The following HIVEP3 variants were observed in gnomAD, a reference collection of about 807,000 sequenced individuals.
HIVEP3 encodes transcription factor HIVEP3.
A neutral mutation model predicts 152.8 loss-of-function variants in HIVEP3; 49 were observed. That is an observed-to-expected ratio of 0.32 (90% CI 0.26 to 0.41). HIVEP3 has a LOEUF of 0.41. Ranked by LOEUF, HIVEP3 falls within the 10% of genes least tolerant of loss-of-function variation. The pLI is 1.00. For synonymous variants in HIVEP3, 1,269 were observed against 1,289.0 expected (o/e 0.98, Z 0.33); for missense variants, 2,790 against 3,103.3 (o/e 0.90, Z 2.40).
At chr1:41,518,554 A>G in intron 6 of HIVEP3, 66 bp from the exon 7 acceptor site, 1 of 1,436,770 alleles carries the variant, frequency 7.0e-7, no homozygotes, top group Non-Finnish European at 9.8e-7. Flanking sequence ...CCCAGGGCTC[A>G]TGGAGGTAGC....
At chr1:41,716,789 C>T (rs1646600472) in intron 1 of HIVEP3, among the ~76,000 whole-genome samples, 1 of 152,112 alleles carries the variant, frequency 6.6e-6, no homozygotes, top group Admixed American at 6.5e-5. Context: ...GTGGGGAGCT[C>T]AGAGGGGCTG....
chr1:41,538,565 TCA>T (rs1202637092), intron 5 of HIVEP3, among the ~76,000 whole-genome samples: 1 of 152,166 alleles, frequency 6.6e-6, no homozygotes, highest in African/African-American at 2.4e-5. Flanking sequence ...TGGCAGCAGC[TCA>T]GGGGTCTAAT....
In HIVEP3 at chr1:41,581,560, A is replaced by C. The variant is rs749075711; in HGVS notation, c.3238T>G (p.Ser1080Ala). The change falls in exon 4 of 9, where the codon TCT becomes GCT. Residue 1080 changes from serine to alanine, a missense_variant. By Grantham distance (99) the Ser-to-Ala change is moderately conservative (BLOSUM62 1). Transcript: ENST00000372583. The surrounding 1 kb of genome is among the most constrained non-coding windows in gnomAD (Gnocchi z 4.5). ...ATCTGGGACAATGAGCTTTTGGCAG[A>C]GGGTTTACTGGATGAGGGCTGTGGT... ...EEPQPSSSKP[S>A]AKSSLSQISS... The C allele has an allele frequency of 1.9e-6, 3 of 1,606,028 alleles. No homozygotes were observed.
Position 41,579,936 on chromosome 1 carries a change from T to C in HIVEP3, c.4862A>G (p.Asp1621Gly), listed in dbSNP as rs1417573169. 1.2e-6 allele frequency: 2 copies of C among 1,614,228 alleles called. No homozygotes were observed. Among genetic ancestry groups the C allele is most frequent in the Non-Finnish European group, 8.5e-7 (1 of 1,180,044 alleles). Residue 1621 changes from aspartate to glycine, a missense_variant, in exon 4 of 9, where the codon GAT becomes GGT. Asp to Gly is a moderately conservative substitution (Grantham distance 94, BLOSUM62 -1). Around this residue, in one of 9 missense-constraint regions of HIVEP3, gnomAD observed 1,078 missense variants for 1,165.3 expected, o/e 0.93. Coordinates refer to ENST00000372583, the MANE Select transcript of HIVEP3 (RefSeq NM_024503.5). ...ACCAGCGTAAACAGAGGACCTCCTA[T>C]CTGCATGCTGGATGTGATTTGGCTT... ...YIKPNHIQHA[D>G]RRSSVYAGWC...
At chr1:41,691,368 TAAC>T (rs1304042068) in intron 2 of HIVEP3, among the ~76,000 whole-genome samples, 1 of 152,222 alleles carries the variant, frequency 6.6e-6, no homozygotes, top group East Asian at 1.9e-4. Context: ...CTGACTCAGA[TAAC>T]TACTGACATG....
intron 6 of HIVEP3, among the ~76,000 whole-genome samples, chr1:41,524,181 T>TG (rs1569717346): frequency 6.6e-6 from 1 of 150,912 alleles, no homozygotes; most frequent in African/African-American, 2.4e-5. Flanking sequence ...AGTCTGGGAG[T>TG]GGGGGGCTGG....
intron 1 of HIVEP3, among the ~76,000 whole-genome samples, chr1:41,832,224 T>C (rs1420860406): frequency 1.3e-5 from 2 of 152,204 alleles, no homozygotes; most frequent in East Asian, 3.9e-4. Context: ...ATGCTGGCAA[T>C]GAGACCATGG....
In HIVEP3 at chr1:41,664,550, G is replaced by A. The variant is rs1222634384; in HGVS notation, c.-720-35603C>T. ...TGGGGGCCTCCTCTTCCTCAGACTGGGAGCTTCAGGGAACTTTCCATCTTG... is the reference window on the plus strand; with the variant it reads ...TGGGGGCCTCCTCTTCCTCAGACTGAGAGCTTCAGGGAACTTTCCATCTTG... On this transcript the variant is annotated intron_variant, in intron 2 of 8. Transcript: ENST00000372583. The surrounding 1 kb of genome is among the most constrained non-coding windows in gnomAD (Gnocchi z 4.4). Among the ~76,000 whole-genome samples, 1 of 152,152 alleles carries A rather than the reference G, an allele frequency of 6.6e-6. No homozygotes were observed. The highest frequency in any genetic ancestry group is 1.5e-5 in the Non-Finnish European group (1 of 68,032).
rs141095831 is a variant in HIVEP3 at position 41,579,761 on chromosome 1, G to C, written c.5037C>G (p.Ser1679Arg). The change falls in exon 4 of 9, where the codon AGC (serine) becomes AGG (arginine). Residue 1679 changes from serine to arginine, a missense_variant. Ser to Arg is a moderately radical substitution (Grantham distance 110). Transcript: ENST00000372583. ...CCTCTGTCATGCGGGGCTTGCGGGA[G>C]CTGGATGGCACAAGCCTTCCTGCCT... Reference protein sequence around the residue: ...HPEAGRLVPSSSRKPRMTEVH... With the variant: ...HPEAGRLVPSRSRKPRMTEVH... 68 of 1,589,998 alleles carry C rather than the reference G, an allele frequency of 4.3e-5. No homozygotes were observed. In the African/African-American group the frequency reaches 8.1e-4, roughly 19 times the overall value.
chr1:41,778,995 G>C (rs1648878225), intron 1 of HIVEP3, among the ~76,000 whole-genome samples: 1 of 152,200 alleles, frequency 6.6e-6, no homozygotes, highest in South Asian at 2.1e-4. Context: ...AACGCTGAGA[G>C]ACCAGTGTGG....
chr1:41,746,128 C>G (rs554377114), intron 1 of HIVEP3, among the ~76,000 whole-genome samples: 6 of 152,266 alleles, frequency 3.9e-5, no homozygotes, highest in Admixed American at 6.5e-5. Context: ...CTGCCTGCTG[C>G]CCCCATGGTT....
intron 4 of HIVEP3, among the ~76,000 whole-genome samples, chr1:41,575,955 C>T (rs1224488676): frequency 6.6e-6 from 1 of 152,148 alleles, no homozygotes; most frequent in Admixed American, 6.5e-5. Flanking sequence ...CCCATAAGAC[C>T]TGTGTTTGTT....
intron 1 of HIVEP3, among the ~76,000 whole-genome samples, chr1:41,765,894 C>T (rs1647977726): frequency 6.6e-6 from 1 of 152,230 alleles, no homozygotes; most frequent in South Asian, 2.1e-4. Flanking sequence ...TTGCGGGGAG[C>T]ACCCCTGTCT....
chr1:41,658,641 G>A (rs1405602690), intron 2 of HIVEP3, among the ~76,000 whole-genome samples: 1 of 152,214 alleles, frequency 6.6e-6, no homozygotes, highest in Non-Finnish European at 1.5e-5. Flanking sequence ...GGAAGCAGGG[G>A]CTCAAGGGGG....
chr1:41,819,300 A>G (rs1280649085), intron 1 of HIVEP3, among the ~76,000 whole-genome samples: 3 of 152,088 alleles, frequency 2.0e-5, no homozygotes, highest in Non-Finnish European at 4.4e-5. Context: ...TTTCATTCTC[A>G]GTAGTGTCTA....
At chr1:41,653,749 G>A (rs1230434889) in intron 2 of HIVEP3, among the ~76,000 whole-genome samples, 9 of 152,098 alleles carry the variant, frequency 5.9e-5, no homozygotes, top group Non-Finnish European at 1.2e-4. Flanking sequence ...AGGCTAAGCT[G>A]TGTGGCTCAG....
At chr1:41,627,667 C>T (rs372773678) in intron 3 of HIVEP3, among the ~76,000 whole-genome samples, 13 of 152,238 alleles carry the variant, frequency 8.5e-5, no homozygotes, top group Middle Eastern at 3.4e-3. Context: ...TTCAGAGAAG[C>T]GAAAGAGTCA....
intron 3 of HIVEP3, among the ~76,000 whole-genome samples, chr1:41,627,046 T>C (rs1161791826): frequency 6.6e-6 from 1 of 152,162 alleles, no homozygotes; most frequent in East Asian, 1.9e-4. Context: ...GTACCAACCA[T>C]GTGGGCAGCA....
intron 1 of HIVEP3, among the ~76,000 whole-genome samples, chr1:41,764,969 C>G (rs1018665218): frequency 6.6e-6 from 1 of 152,154 alleles, no homozygotes; most frequent in Non-Finnish European, 1.5e-5. Context: ...TGCTAGGTGC[C>G]CATCACCTTG....
Sources: allele counts gnomAD v4.1 joint callset (sites outside exome capture counted in the v4.1 genomes callset), GRCh38; gene constraint gnomAD v4.1.1; regional missense constraint gnomAD v4.1.1; non-coding constraint Gnocchi (gnomAD v3.1); transcripts MANE v1.5; gene names NCBI Gene and HGNC (gene_info 2026-07-23, HGNC 2026-07-21).